The following CLPSL2 variants were observed in gnomAD, a reference collection of about 807,000 sequenced individuals.
CLPSL2 encodes the protein colipase-like protein 2.
A neutral mutation model predicts 7.9 loss-of-function variants in CLPSL2; 4 were observed. That is an observed-to-expected ratio of 0.50 (90% CI 0.25 to 1.15). CLPSL2 has a LOEUF of 1.15. CLPSL2 is among the 50% of genes most tolerant of loss of function. The probability of loss-of-function intolerance (pLI) is 0.15; values close to 1 mark genes in which losing one functional copy is unlikely to be tolerated. For synonymous variants in CLPSL2, 67 were observed against 53.1 expected (o/e 1.26, Z -1.14); for missense variants, 132 against 136.6 (o/e 0.97, Z 0.17).
chr6:35,777,335 G>A, intron 1 of CLPSL2, 124 bp from the exon 2 acceptor site: 1 of 1,130,870 alleles, frequency 8.8e-7, no homozygotes, highest in Non-Finnish European at 1.3e-6. Context: ...CCCCCAAGGG[G>A]TGACAACCTC....
chr6:35,777,104 C>T (rs902277131), intron 1 of CLPSL2, among the ~76,000 whole-genome samples: 7 of 152,054 alleles, frequency 4.6e-5, no homozygotes, highest in Non-Finnish European at 8.8e-5. Context: ...CCCTTTTCTC[C>T]TCTTTCTCTC....
Position 35,779,523 on chromosome 6 carries a change from G to C in CLPSL2, c.*73G>C. On this transcript the variant is annotated 3_prime_UTR_variant, in exon 3 of 3. Transcript: ENST00000403376. ...TTGCCACCAACTTGCTCCAAATCCAGCTCCTGAGACATTAAAGTCACTTCC... is the reference window on the plus strand; with the variant it reads ...TTGCCACCAACTTGCTCCAAATCCACCTCCTGAGACATTAAAGTCACTTCC... 3 of 1,550,080 alleles carry C rather than the reference G, an allele frequency of 1.9e-6. No homozygotes were observed. The highest frequency in any genetic ancestry group is 2.6e-6 in the Non-Finnish European group (3 of 1,145,520).
rs1767838892 is a variant in CLPSL2 at position 35,776,600 on chromosome 6, T to G, written c.-19T>G. The G allele has an allele frequency of 2.7e-6, 4 of 1,495,290 alleles. No individual in the cohort carries two copies. The highest frequency in any genetic ancestry group is 3.5e-6 in the Non-Finnish European group (4 of 1,128,992). The allele number at this position is 1,495,290 out of a possible 1,614,324, so 92.6% of individuals were successfully genotyped here. ...CCGCGGCCCCTCGGAACCCCGCCGC[T>G]GCTCTGCCGCCCAGGCCCATGGCCG... On this transcript the variant is annotated 5_prime_UTR_variant, in exon 1 of 3. Coordinates refer to ENST00000403376, the MANE Select transcript of CLPSL2 (RefSeq NM_207409.4).
At chr6:35,776,755 G>A (rs111305117) in intron 1 of CLPSL2, 53 bp downstream of exon 1, 4 of 1,326,424 alleles carry the variant, frequency 3.0e-6, no homozygotes, top group Non-Finnish European at 2.9e-6. Context: ...GGGTGGCCCC[G>A]CCGCCGGGGC....
intron 1 of CLPSL2, 150 bp from the exon 2 acceptor site, chr6:35,777,309 T>C: frequency 1.4e-6 from 1 of 733,146 alleles, no homozygotes; most frequent in East Asian, 2.8e-5. Context: ...GGGGTGGGGC[T>C]GGGGGGGGAA....
At chr6:35,777,038 C>A (rs181115107) in intron 1 of CLPSL2, among the ~76,000 whole-genome samples, 1 of 152,234 alleles carries the variant, frequency 6.6e-6, no homozygotes, top group Admixed American at 6.5e-5. Flanking sequence ...GGTTTCTCCT[C>A]CTCTTCTTCC....
At chr6:35,778,931 T>C (rs1767904337) in intron 2 of CLPSL2, among the ~76,000 whole-genome samples, 1 of 152,134 alleles carries the variant, frequency 6.6e-6, no homozygotes, top group African/African-American at 2.4e-5. Flanking sequence ...GTAGCTGGGA[T>C]TACAGGCATG....
intron 1 of CLPSL2, 27 bp downstream of exon 1, chr6:35,776,729 C>A: frequency 7.3e-7 from 1 of 1,362,090 alleles, no homozygotes; most frequent in Non-Finnish European, 9.4e-7. Flanking sequence ...GCCCAGCCGG[C>A]CGCGACCGCA....
intron 1 of CLPSL2, 150 bp from the exon 2 acceptor site, chr6:35,777,309 T>TGG (rs3215829): frequency 7.1e-4 from 521 of 733,086 alleles, no homozygotes; most frequent in African/African-American, 1.6e-3. Flanking sequence ...GGGGTGGGGC[T>TGG]GGGGGGGGAA....
chr6:35,777,058 C>T (rs556844111), intron 1 of CLPSL2, among the ~76,000 whole-genome samples: 1 of 152,222 alleles, frequency 6.6e-6, no homozygotes, highest in Non-Finnish European at 1.5e-5. Flanking sequence ...CACCTCCTCT[C>T]ACTGTCTAGT....
At chr6:35,778,902 C>T (rs747948715) in intron 2 of CLPSL2, among the ~76,000 whole-genome samples, 19 of 152,170 alleles carry the variant, frequency 1.2e-4, no homozygotes, top group Non-Finnish European at 2.4e-4. Context: ...CAAGCAATTC[C>T]TCTGCCTCAG....
chr6:35,777,856 G>A (rs944193428), intron 2 of CLPSL2: 3 of 717,598 alleles, frequency 4.2e-6, no homozygotes, highest in Non-Finnish European at 7.8e-6. Context: ...CCCAGTGGTT[G>A]GAACTCTTCA....
chr6:35,777,571 G>C lies in CLPSL2; in HGVS notation c.197G>C (p.Cys66Ser). 6.2e-7 allele frequency: 1 copy of C among 1,613,482 alleles called. No individual in the cohort carries two copies. The highest frequency in any genetic ancestry group is 8.5e-7 in the Non-Finnish European group (1 of 1,179,718). ...CAPRARITMI[C>S]LPQTKGATNI... is the part of the protein sequence containing the mutation. ...CCCAGGGCCAGAATAACCATGATCTGCTTGCCCCAGGTGAGGCCCTAGTAT... is the reference window on the plus strand; with the variant it reads ...CCCAGGGCCAGAATAACCATGATCTCCTTGCCCCAGGTGAGGCCCTAGTAT... Residue 66 changes from cysteine to serine, a missense_variant, in exon 2 of 3, where the codon TGC becomes TCC. Physicochemically the swap from Cys to Ser is moderately radical, Grantham distance 112 (BLOSUM62 -1). Coordinates refer to ENST00000403376, the MANE Select transcript of CLPSL2 (RefSeq NM_207409.4).
Position 35,777,527 on chromosome 6 carries a change from C to A in CLPSL2, c.153C>A (p.Ser51=). Residue 51 remains serine, a synonymous_variant, in exon 2 of 3, where the codon TCC becomes TCA. Coordinates refer to ENST00000403376, the MANE Select transcript of CLPSL2 (RefSeq NM_207409.4). ...GCTGCTGCCTCATGGACTTGGACTC[C>A]GGTGGAGCCTTCTGTGCCCCCAGGG... is the stretch of plus-strand genomic sequence containing the variant. The part of the protein sequence containing the change: ...YSGCCLMDLD[S]GGAFCAPRAR... 6.2e-7 allele frequency: 1 copy of A among 1,613,768 alleles called. No homozygotes were observed. The highest frequency in any genetic ancestry group is 2.2e-5 in the East Asian group (1 of 44,876).
rs755623292 is a variant in CLPSL2, at chr6:35,779,342, C to T, written c.208-13C>T. ...TCCTGGTGACTCCCGATTCTCATAC[C>T]CACTCCCTGCAGACCAAGGGAGCTA... On this transcript the variant is annotated splice_polypyrimidine_tract_variant and intron_variant, in intron 2 of 2. Coordinates refer to ENST00000403376, the MANE Select transcript of CLPSL2 (RefSeq NM_207409.4). 38 of 1,543,650 alleles carry T rather than the reference C, an allele frequency of 2.5e-5. No individual in the cohort carries two copies. The highest frequency in any genetic ancestry group is 3.3e-5 in the Non-Finnish European group (38 of 1,137,104).
At chr6:35,779,018 C>T (rs1263442493) in intron 2 of CLPSL2, among the ~76,000 whole-genome samples, 1 of 152,032 alleles carries the variant, frequency 6.6e-6, no homozygotes, top group African/African-American at 2.4e-5. Context: ...GTGATCCACC[C>T]GCCTCGGCCT....
In CLPSL2 at chr6:35,777,463, T is replaced by G. The variant is rs576215514; in HGVS notation, c.89T>G (p.Ile30Ser). Residue 30 changes from isoleucine (I) to serine (S), a missense_variant, in exon 2 of 3, where the codon ATC becomes AGC. Coordinates refer to ENST00000403376, the MANE Select transcript of CLPSL2 (RefSeq NM_207409.4). Reference protein sequence around the residue: ...WSALPQYKKKITDRCFHHSEC... With the variant: ...WSALPQYKKKSTDRCFHHSEC... The stretch of plus-strand genomic sequence containing the variant: ...ACATTCTGCCTGTCCCCACAGAAAA[T>G]CACAGACAGGTGCTTCCACCACTCT... The G allele has an allele frequency of 1.2e-6, 2 of 1,611,402 alleles. No individual in the cohort carries two copies. Among genetic ancestry groups the G allele is most frequent in the Non-Finnish European group, 1.7e-6 (2 of 1,178,492 alleles).
chr6:35,777,931 T>A, intron 2 of CLPSL2: 3 of 716,894 alleles, frequency 4.2e-6, no homozygotes, highest in Non-Finnish European at 7.8e-6. Flanking sequence ...CTGCACATAG[T>A]AGGTGCTCAA....
intron 2 of CLPSL2, chr6:35,778,030 A>C (rs1767879736): frequency 1.6e-6 from 1 of 624,304 alleles, no homozygotes; most frequent in African/African-American, 1.8e-5. Context: ...ATCTCGGCTC[A>C]CTGCAACCTC....
Sources: allele counts gnomAD v4.1 joint callset (sites outside exome capture counted in the v4.1 genomes callset), GRCh38; gene constraint gnomAD v4.1.1; transcripts MANE v1.5; gene names NCBI Gene and HGNC (gene_info 2026-07-23, HGNC 2026-07-21).